The following DHRS7C variants were observed in gnomAD, a reference collection of about 807,000 sequenced individuals.
DHRS7C encodes the protein dehydrogenase/reductase SDR family member 7C.
In DHRS7C, 28 loss-of-function variants were observed where a neutral mutation model predicts 29.6. The observed-to-expected ratio is 0.95, with a 90% CI of 0.70 to 1.30. The LOEUF is 1.30. DHRS7C is among the 50% of genes most tolerant of loss of function. The pLI is 0.00. For missense variants in DHRS7C, 403 were observed against 393.3 expected, an observed-to-expected ratio of 1.02 and a Z score of -0.21; for synonymous variants, 158 against 160.2, an observed-to-expected ratio of 0.99 and a Z score of 0.10.
chr17:9,790,057 G>A lies in DHRS7C; in HGVS notation c.154+1074C>T, dbSNP rs1037115575. 3.3e-5 allele frequency among the ~76,000 whole-genome samples: 5 copies of A among 152,208 alleles called. No individual in the cohort carries two copies. The East Asian group carries it at 9.7e-4, about 29-fold the overall frequency. On this transcript the variant is annotated intron_variant, in intron 1 of 5. Transcript: ENST00000571134. The stretch of plus-strand genomic sequence containing the variant: ...CTGAAAACTAAGCCATCCTCAAAGC[G>A]TGCAGATTGGCTCCCATTGGGATGC...
intron 4 of DHRS7C, among the ~76,000 whole-genome samples, chr17:9,776,083 G>A (rs775013369): frequency 1.2e-4 from 18 of 152,168 alleles, no homozygotes; most frequent in Non-Finnish European, 1.8e-4. Flanking sequence ...TGTGCCTGTA[G>A]TCCCAGCTAC....
intron 4 of DHRS7C, among the ~76,000 whole-genome samples, chr17:9,776,313 C>T (rs916618254): frequency 4.6e-5 from 7 of 152,144 alleles, no homozygotes; most frequent in African/African-American, 1.7e-4. Flanking sequence ...CAGCTGTCTG[C>T]AAGCCAGGGA....
Position 9,771,554 on chromosome 17 carries a change from C to T in DHRS7C, c.870G>A (p.Pro290=), listed in dbSNP as rs74613314. ...AGGCCACCACGGCGAAAAAGAACTC[C>T]GGGAAGAAGGTGCGGACGTACACGG... ...KAAVYVRTFF[P]EFFFAVVACG... is the part of the protein sequence containing the mutation. The change falls in exon 6 of 6, where the codon CCG becomes CCA. Residue 290 remains proline (P), a synonymous_variant. Transcript: ENST00000571134. 5.9e-5 allele frequency: 94 copies of T among 1,591,378 alleles called. 1 individual carries two copies. The African/African-American group carries it at 8.2e-4, about 14-fold the overall frequency.
At chr17:9,782,727 C>G (rs898930350) in intron 1 of DHRS7C, among the ~76,000 whole-genome samples, 2 of 152,248 alleles carry the variant, frequency 1.3e-5, no homozygotes, top group African/African-American at 4.8e-5. Context: ...ATACAGGGAT[C>G]TGGAAGAGGC....
Position 9,775,522 on chromosome 17 carries a change from G to A in DHRS7C, c.571+1671C>T, listed in dbSNP as rs1326225184. Among the ~76,000 whole-genome samples the A allele has an allele frequency of 6.6e-6, 1 of 152,178 alleles. No individual in the cohort carries two copies. The highest frequency in any genetic ancestry group is 6.5e-5 in the Admixed American group (1 of 15,276). On this transcript the variant is annotated intron_variant, in intron 4 of 5. Coordinates refer to ENST00000571134, the MANE Select transcript of DHRS7C (RefSeq NM_001105571.3). This position sits in a 1 kb window ranked among gnomAD's most constrained non-coding sequence, Gnocchi z 4.2. ...TCTTCTTGCCAGCAGGGACCCAGTG[G>A]TGACCACACGGAAGATGTTGTTGAT... is the stretch of plus-strand genomic sequence containing the variant.
chr17:9,781,888 G>T lies in DHRS7C; in HGVS notation c.155-294C>A, dbSNP rs1334269139. Among the ~76,000 whole-genome samples, 3 of 152,146 alleles carry T rather than the reference G, an allele frequency of 2.0e-5. No individual in the cohort carries two copies. The East Asian group carries it at 5.8e-4, about 29-fold the overall frequency. On this transcript the variant is annotated intron_variant, in intron 1 of 5. Coordinates refer to ENST00000571134, the MANE Select transcript of DHRS7C (RefSeq NM_001105571.3). ...TTACACTGAACAGAAGGATGAACCT[G>T]CCCACCTGGTCCCCCAGGACCGCAG...
intron 5 of DHRS7C, 82 bp downstream of exon 5, chr17:9,772,685 A>T: frequency 6.6e-7 from 1 of 1,516,826 alleles, no homozygotes; most frequent in South Asian, 1.2e-5. Context: ...AGGAGTACCC[A>T]TCTGAAGGTC....
At position 9,781,545 on chromosome 17, in the gene DHRS7C, T is replaced by C; in HGVS notation, c.204A>G (p.Gly68=). Residue 68 remains glycine, a synonymous_variant, in exon 2 of 6, where the codon GGA becomes GGG. Coordinates refer to ENST00000571134, the MANE Select transcript of DHRS7C (RefSeq NM_001105571.3). ...HTGGARLVLC[G]KNWERLENLY... The stretch of plus-strand genomic sequence containing the variant: ...GGTTCTCTAGCCTCTCCCAGTTCTT[T>C]CCACACAGCACCAGCCTTGCCCCAC... 1 of 1,613,992 alleles carries C rather than the reference T, an allele frequency of 6.2e-7. No individual in the cohort carries two copies.
At chr17:9,789,028 G>A (rs571696456) in intron 1 of DHRS7C, among the ~76,000 whole-genome samples, 5 of 152,216 alleles carry the variant, frequency 3.3e-5, no homozygotes, top group East Asian at 1.9e-4. Context: ...ATTTGATCAC[G>A]TGTGACTACA....
Position 9,777,195 on chromosome 17 carries a change from G to T in DHRS7C, c.569C>A (p.Thr190Asn). ...ATATTTTTATCTTAGCAACTTACAA[G>T]TCGTACGGAACGGGATTCCAAACTT... ...QGKFGIPFRTTYAASKHAALG... is the reference protein window; with the variant it reads ...QGKFGIPFRTNYAASKHAALG... The change falls in exon 4 of 6, where the codon ACT (threonine) becomes AAT (asparagine). Residue 190 changes from threonine to asparagine, a missense_variant and splice_region_variant. Transcript: ENST00000571134. The T allele has an allele frequency of 6.2e-7, 1 of 1,612,164 alleles. No individual in the cohort carries two copies. The highest frequency in any genetic ancestry group is 8.5e-7 in the Non-Finnish European group (1 of 1,178,776).
At chr17:9,776,075 T>C (rs2066361014) in intron 4 of DHRS7C, among the ~76,000 whole-genome samples, 2 of 152,154 alleles carry the variant, frequency 1.3e-5, no homozygotes, top group Non-Finnish European at 2.9e-5. Flanking sequence ...TGGTGGCGTG[T>C]GCCTGTAGTC....
chr17:9,777,353 C>G (rs2066368203), intron 3 of DHRS7C, 68 bp from the exon 4 acceptor site: 1 of 1,387,038 alleles, frequency 7.2e-7, no homozygotes, highest in Non-Finnish European at 1.0e-6. Context: ...GCAGGCAGAC[C>G]CCTGCCCCCG....
intron 4 of DHRS7C, among the ~76,000 whole-genome samples, chr17:9,773,448 C>T (rs75762669): frequency 0.023 from 3,559 of 152,142 alleles, 67 homozygotes; most frequent in Non-Finnish European, 0.036. Context: ...CAGTTCAAAT[C>T]GTAGAAGCCA....
At chr17:9,782,845 GC>G (rs1439124144) in intron 1 of DHRS7C, 1 of 152,320 alleles carries the variant, frequency 6.6e-6, no homozygotes, top group African/African-American at 2.4e-5. Flanking sequence ...GCAGCCTGGT[GC>G]CCAGTGGAGG....
At position 9,791,264 on chromosome 17, in the gene DHRS7C, C is replaced by G; in HGVS notation, c.21G>C (p.Leu7=). The G allele has an allele frequency of 6.2e-7, 1 of 1,613,756 alleles. No homozygotes were observed. The highest frequency in any genetic ancestry group is 8.5e-7 in the Non-Finnish European group (1 of 1,179,824). Residue 7 remains leucine (L), a synonymous_variant, in exon 1 of 6, where the codon CTG becomes CTC. Transcript: ENST00000571134. MGVMAM[L]MLPLLLLGIS... The stretch of plus-strand genomic sequence containing the variant: ...TTCCCAGCAGCAGCAGGGGGAGCAT[C>G]AGCATGGCCATGACTCCCATCTTGT...
intron 1 of DHRS7C, among the ~76,000 whole-genome samples, chr17:9,788,313 C>T (rs2066435857): frequency 6.6e-6 from 1 of 152,132 alleles, no homozygotes; most frequent in Non-Finnish European, 1.5e-5. Context: ...TTCAAGCAAT[C>T]CTCCTGCCTC....
intron 2 of DHRS7C, among the ~76,000 whole-genome samples, chr17:9,780,390 C>A (rs889220386): frequency 6.6e-6 from 1 of 151,968 alleles, no homozygotes; most frequent in Admixed American, 6.6e-5. Flanking sequence ...CATTTCTGAG[C>A]CCCTTTGTGG....
rs914894184 is a variant in DHRS7C, at chr17:9,774,823, G to C, written c.572-1901C>G. On this transcript the variant is annotated intron_variant, in intron 4 of 5. Transcript: ENST00000571134. This position sits in a 1 kb window ranked among gnomAD's most constrained non-coding sequence, Gnocchi z 5.0. ...CAGGTCACTCCCACGCCAGCTCCTT[G>C]TGTCTTTCCAAAGCCGGATTCAGAG... Among the ~76,000 whole-genome samples, 4 of 152,168 alleles carry C rather than the reference G, an allele frequency of 2.6e-5. No individual in the cohort carries two copies. The highest frequency in any genetic ancestry group is 2.0e-4 in the Admixed American group (3 of 15,272).
chr17:9,789,782 A>T (rs1406111066), intron 1 of DHRS7C, among the ~76,000 whole-genome samples: 3 of 152,216 alleles, frequency 2.0e-5, no homozygotes, highest in African/African-American at 7.2e-5. Context: ...TTAGGTGGGC[A>T]TCTCTTTTCC....
Sources: gnomAD v4.1 joint callset for allele counts (sites outside exome capture counted in the v4.1 genomes callset) on GRCh38, gnomAD v4.1.1 for gene constraint, Gnocchi (gnomAD v3.1) non-coding constraint, MANE v1.5 for transcripts, NCBI Gene and HGNC (gene_info 2026-07-23, HGNC 2026-07-21) for gene names.